ATRNL1: variants seen among roughly 807,000 people sequenced by gnomAD.
ATRNL1 encodes the protein attractin like 1, also known as attractin-like protein 1.
ATRNL1 carries 95 observed loss-of-function variants against 182.7 expected under a neutral mutation model. That is an observed-to-expected ratio of 0.52 (90% CI 0.44 to 0.62). ATRNL1 has a LOEUF of 0.62. Among genes scored for constraint, ATRNL1 ranks in the 20% least tolerant of loss-of-function variants. ATRNL1 has a pLI of 0.00. For missense variants in ATRNL1, 1,471 were observed against 1,679.5 expected, an observed-to-expected ratio of 0.88 and a Z score of 2.17; for synonymous variants, 576 against 568.3, an observed-to-expected ratio of 1.01 and a Z score of -0.19.
Position 115,793,909 on chromosome 10 carries a change from G to T in ATRNL1, c.3904-53968G>T. 1.3e-5 allele frequency among the ~76,000 whole-genome samples: 2 copies of T among 152,106 alleles called. 1 individual carries two copies. The highest frequency in any genetic ancestry group is 2.9e-5 in the Non-Finnish European group (2 of 67,982). On this transcript the variant is annotated intron_variant, in intron 27 of 28. Coordinates refer to ENST00000355044, the MANE Select transcript of ATRNL1 (RefSeq NM_207303.4). ...ATTATACTAAAAATCAATGAACTAT[G>T]TGCATCCACTCTAAACATGTTGATT...
chr10:115,408,227 T>C (rs1363240676), intron 20 of ATRNL1, among the ~76,000 whole-genome samples: 1 of 151,670 alleles, frequency 6.6e-6, no homozygotes, highest in Non-Finnish European at 1.5e-5. Flanking sequence ...ATGGTCTCGA[T>C]CTCCTGACCT....
intron 10 of ATRNL1, among the ~76,000 whole-genome samples, chr10:115,259,753 C>G (rs1554908256): frequency 2.0e-5 from 3 of 152,026 alleles, no homozygotes; most frequent in African/African-American, 7.3e-5. Context: ...TCTTGGAACG[C>G]CTCTCCAGAT....
At chr10:115,861,143 C>T (rs904249078) in intron 28 of ATRNL1, among the ~76,000 whole-genome samples, 55 of 152,172 alleles carry the variant, frequency 3.6e-4, no homozygotes, top group African/African-American at 1.3e-3. Context: ...CTCCGATATA[C>T]ACACCTCCCC....
intron 26 of ATRNL1, among the ~76,000 whole-genome samples, chr10:115,603,350 G>A (rs981143854): frequency 6.6e-6 from 1 of 151,896 alleles, no homozygotes; most frequent in Non-Finnish European, 1.5e-5. Flanking sequence ...AGGGATTTAG[G>A]GGCTTTACAT....
intron 26 of ATRNL1, among the ~76,000 whole-genome samples, chr10:115,683,548 G>GTTTTTTTTTTT (rs59383182): frequency 1.2e-4 from 13 of 110,950 alleles, no homozygotes; most frequent in Non-Finnish European, 2.3e-4. Flanking sequence ...GAGAACTAGC[G>GTTTTTTTTTTT]TTTTTTTTTT....
chr10:115,414,020 G>A (rs631520), intron 20 of ATRNL1, among the ~76,000 whole-genome samples: 57,797 of 151,582 alleles, frequency 0.38, 12,158 homozygotes, highest in African/African-American at 0.57. Context: ...CTTCCAATTC[G>A]GATCTATTTC....
rs782347663 is a variant in ATRNL1 at position 115,171,116 on chromosome 10, A to C, written c.1172A>C (p.His391Pro). ...GATGAATTATGGGTTTTTAACATACATAGTCAGTCATGGAGTACAAAAACT... is the reference window on the plus strand; with the variant it reads ...GATGAATTATGGGTTTTTAACATACCTAGTCAGTCATGGAGTACAAAAACT... ...VTDELWVFNIHSQSWSTKTPT... is the reference protein window; with the variant it reads ...VTDELWVFNIPSQSWSTKTPT... The change falls in exon 8 of 29, where the codon CAT becomes CCT. Residue 391 changes from histidine to proline, a missense_variant. Transcript: ENST00000355044. 1 of 1,605,966 alleles carries C rather than the reference A, an allele frequency of 6.2e-7. No homozygotes were observed. Among genetic ancestry groups the C allele is most frequent in the East Asian group, 2.2e-5 (1 of 44,548 alleles).
chr10:115,725,305 T>G (rs1162767978), intron 26 of ATRNL1, among the ~76,000 whole-genome samples: 1 of 152,140 alleles, frequency 6.6e-6, no homozygotes, highest in Non-Finnish European at 1.5e-5. Context: ...TATGAGTTTT[T>G]GGGAGTCACA....
intron 5 of ATRNL1, among the ~76,000 whole-genome samples, chr10:115,153,580 C>G (rs926148348): frequency 1.3e-5 from 2 of 151,990 alleles, no homozygotes; most frequent in East Asian, 3.9e-4. Flanking sequence ...TTTTTTATTG[C>G]ATCTATTTGA....
chr10:115,628,667 A>G (rs1417398987), intron 26 of ATRNL1, among the ~76,000 whole-genome samples: 1 of 152,184 alleles, frequency 6.6e-6, no homozygotes, highest in Non-Finnish European at 1.5e-5. Flanking sequence ...AACATCATAA[A>G]GATTTATCTC....
At chr10:115,860,820 A>G (rs782176252) in intron 28 of ATRNL1, among the ~76,000 whole-genome samples, 4 of 152,178 alleles carry the variant, frequency 2.6e-5, no homozygotes, top group Admixed American at 6.5e-5. Context: ...TCTTGTTCTC[A>G]TCTCTCTAGA....
At chr10:115,181,647 C>G (rs1303138749) in intron 8 of ATRNL1, among the ~76,000 whole-genome samples, 5 of 151,596 alleles carry the variant, frequency 3.3e-5, no homozygotes, top group Admixed American at 3.3e-4. Flanking sequence ...CATTACTTAT[C>G]AATTATTTCC....
intron 6 of ATRNL1, among the ~76,000 whole-genome samples, chr10:115,160,690 A>G (rs1217798538): frequency 2.0e-5 from 3 of 151,966 alleles, no homozygotes; most frequent in East Asian, 1.9e-4. Flanking sequence ...TGTTGGCTCA[A>G]TAGAGATTGT....
Position 115,474,923 on chromosome 10 carries a change from GC to G in ATRNL1, c.3654+5596del, listed in dbSNP as rs199925124. On this transcript the variant is annotated intron_variant, in intron 24 of 28. Transcript: ENST00000355044. ...AGAAATGTAGAATTTTAGCCCTGTC[GC>G]CACTGAATGAGATCCTGCTTTTTAC... Among the ~76,000 whole-genome samples the G allele has an allele frequency of 7.1e-3, 1,068 of 151,414 alleles. 15 individuals are homozygous for G. The highest frequency in any genetic ancestry group is 0.024 in the African/African-American group (1,013 of 41,408).
chr10:115,519,304 G>GT lies in ATRNL1; in HGVS notation c.3702dup (p.Val1235CysfsTer49). 6.2e-7 allele frequency: 1 copy of GT among 1,609,794 alleles called. No homozygotes were observed. Among genetic ancestry groups the GT allele is most frequent in the East Asian group, 2.2e-5 (1 of 44,606 alleles). ...ACAATACAATCATGGACCTTGTGCA[G>GT]TTTTTTGTCACCTTCTTCAGGTAAA... On this transcript the variant is annotated frameshift_variant, in exon 25 of 29. Transcript: ENST00000355044. LOFTEE classifies it high-confidence loss of function.
At chr10:115,867,929 A>AT (rs1414198741) in intron 28 of ATRNL1, among the ~76,000 whole-genome samples, 2 of 151,808 alleles carry the variant, frequency 1.3e-5, no homozygotes, top group Middle Eastern at 3.4e-3. Context: ...ATTTAATTTA[A>AT]TTTTTTTGTA....
At chr10:115,382,489 C>T (rs569416312) in intron 19 of ATRNL1, among the ~76,000 whole-genome samples, 3 of 151,508 alleles carry the variant, frequency 2.0e-5, no homozygotes, top group African/African-American at 7.3e-5. Context: ...TTGTTTATTG[C>T]TAGTGTATAG....
At chr10:115,630,314 A>G (rs1311557369) in intron 26 of ATRNL1, among the ~76,000 whole-genome samples, 1 of 152,122 alleles carries the variant, frequency 6.6e-6, no homozygotes, top group Non-Finnish European at 1.5e-5. Flanking sequence ...ACAATGAGAT[A>G]TTATCTTACA....
intron 8 of ATRNL1, among the ~76,000 whole-genome samples, chr10:115,197,749 AG>A (rs1848416303): frequency 6.6e-6 from 1 of 152,112 alleles, no homozygotes; most frequent in Admixed American, 6.6e-5. Context: ...CCTAAACACA[AG>A]TTTTGCATCC....
Sources: gnomAD v4.1 joint callset for allele counts (sites outside exome capture counted in the v4.1 genomes callset) on GRCh38, gnomAD v4.1.1 for gene constraint, MANE v1.5 for transcripts, NCBI Gene and HGNC (gene_info 2026-07-23, HGNC 2026-07-21) for gene names.